The following ASIC2 variants were observed in gnomAD, a reference collection of about 807,000 sequenced individuals.
ASIC2 encodes the protein acid-sensing ion channel 2.
ASIC2 carries 25 observed loss-of-function variants against 57.3 expected under a neutral mutation model. That is an observed-to-expected ratio of 0.44 (90% confidence interval 0.32 to 0.61). The LOEUF (loss-of-function observed/expected upper bound fraction) is 0.61. ASIC2 is among the 20% of genes least tolerant of loss of function. ASIC2 has a pLI of 0.06. For synonymous variants in ASIC2, 319 were observed against 307.5 expected, an observed-to-expected ratio of 1.04 and a Z score of -0.39; for missense variants, 641 against 738.1, an observed-to-expected ratio of 0.87 and a Z score of 1.52.
In ASIC2 at chr17:33,149,987, C is replaced by A. The variant is rs73982436; in HGVS notation, c.709-37920G>T. Among the ~76,000 whole-genome samples, 1,277 of 152,296 alleles carry A rather than the reference C, an allele frequency of 8.4e-3. 15 individuals carry two copies. Among genetic ancestry groups the A allele is most frequent in the African/African-American group, 0.029 (1,215 of 41,558 alleles). ...TTCATAACAATGAATTGGGTGCTTG[C>A]TAATTATTTTAAGATAATTGCATGA... On this transcript the variant is annotated intron_variant, in intron 1 of 9. Coordinates refer to ENST00000225823, the MANE Select transcript of ASIC2 (RefSeq NM_183377.2).
At chr17:33,850,871 A>T (rs1913745238) in intron 1 of ASIC2, among the ~76,000 whole-genome samples, 1 of 151,926 alleles carries the variant, frequency 6.6e-6, no homozygotes, top group Non-Finnish European at 1.5e-5. Context: ...GAGTCCAGAA[A>T]TGCAATCCCA....
At chr17:34,153,061 GCAGACAGCCTTCTCT>G (rs1465688061) in intron 1 of ASIC2, among the ~76,000 whole-genome samples, 2 of 152,148 alleles carry the variant, frequency 1.3e-5, no homozygotes, top group Non-Finnish European at 2.9e-5. Flanking sequence ...TTTACCCTCC[GCAGACAGCCTTCTCT>G]CACTCTGCTA....
chr17:34,128,740 G>A (rs1176805407), intron 1 of ASIC2, among the ~76,000 whole-genome samples: 1 of 152,138 alleles, frequency 6.6e-6, no homozygotes, highest in East Asian at 1.9e-4. Context: ...AGTCAGCATT[G>A]GCTTTTTTCC....
At chr17:34,108,207 C>G (rs1036975765) in intron 1 of ASIC2, among the ~76,000 whole-genome samples, 2 of 152,118 alleles carry the variant, frequency 1.3e-5, no homozygotes, top group African/African-American at 4.8e-5. Flanking sequence ...TTCAACAAAA[C>G]TGCTCTGCTG....
intron 1 of ASIC2, among the ~76,000 whole-genome samples, chr17:34,013,617 G>T (rs1906847648): frequency 6.6e-6 from 1 of 152,204 alleles, no homozygotes; most frequent in Non-Finnish European, 1.5e-5. Flanking sequence ...GCCACTGAAG[G>T]CCTATTCCTT....
At position 33,233,514 on chromosome 17, in the gene ASIC2, T is replaced by TCACACA. The variant is rs36203893; in HGVS notation, c.708+57888_708+57893dup. 4.2e-3 allele frequency among the ~76,000 whole-genome samples: 620 copies of TCACACA among 147,078 alleles called. 2 individuals carry two copies. The highest frequency in any genetic ancestry group is 7.0e-3 in the Non-Finnish European group (467 of 66,906). ...CACTTGAGGTTACGGAATTGGAAAT[T>TCACACA]CACACACACACACACACACACACAC... On this transcript the variant is annotated intron_variant, in intron 1 of 9. Coordinates refer to ENST00000225823, the MANE Select transcript of ASIC2 (RefSeq NM_183377.2).
At chr17:34,050,417 A>G (rs1041194534) in intron 1 of ASIC2, among the ~76,000 whole-genome samples, 3 of 152,156 alleles carry the variant, frequency 2.0e-5, no homozygotes, top group African/African-American at 7.2e-5. Context: ...GGGGATGTGA[A>G]GGCTGGCACG....
intron 1 of ASIC2, among the ~76,000 whole-genome samples, chr17:33,341,612 A>G (rs761311531): frequency 6.6e-6 from 1 of 152,172 alleles, no homozygotes; most frequent in African/African-American, 2.4e-5. Flanking sequence ...TCAGGTTTGG[A>G]TTATTATTCA....
chr17:34,123,678 C>T lies in ASIC2; in HGVS notation c.555+32300G>A, dbSNP rs781703105. On this transcript the variant is annotated intron_variant, in intron 1 of 9. Transcript: ENST00000359872. ...GTGGTCTTGCAAGTCTCAGCTTTTC[C>T]GTCTGTGAAATGGAACAATGGTCTC... 4.2e-4 allele frequency among the ~76,000 whole-genome samples: 64 copies of T among 152,326 alleles called. 1 individual carries two copies. Among genetic ancestry groups the T allele is most frequent in the African/African-American group, 4.8e-5 (2 of 41,574 alleles).
intron 1 of ASIC2, among the ~76,000 whole-genome samples, chr17:33,590,234 C>T (rs752530050): frequency 6.6e-5 from 10 of 152,186 alleles, no homozygotes; most frequent in Non-Finnish European, 1.0e-4. Context: ...CCCTGCCTAC[C>T]TCACTGAGTT....
At chr17:34,114,054 G>C (rs929817058) in intron 1 of ASIC2, among the ~76,000 whole-genome samples, 3 of 152,132 alleles carry the variant, frequency 2.0e-5, no homozygotes, top group Non-Finnish European at 4.4e-5. Flanking sequence ...CCTCAGAGGA[G>C]ACAGGAAGGA....
At chr17:33,103,122 T>C (rs1292182159) in intron 2 of ASIC2, among the ~76,000 whole-genome samples, 1 of 152,234 alleles carries the variant, frequency 6.6e-6, no homozygotes, top group East Asian at 1.9e-4. Context: ...TGAAATTTCC[T>C]TTTTAATAGC....
intron 1 of ASIC2, among the ~76,000 whole-genome samples, chr17:34,093,281 T>C (rs868440306): frequency 8.5e-5 from 13 of 152,296 alleles, no homozygotes; most frequent in Admixed American, 5.2e-4. Flanking sequence ...GCCACTCTGT[T>C]TGGGCTCCAT....
chr17:33,028,814 C>T (rs1479489364), intron 3 of ASIC2, among the ~76,000 whole-genome samples: 1 of 152,342 alleles, frequency 6.6e-6, no homozygotes, highest in East Asian at 1.9e-4. Flanking sequence ...ATTCCACCCT[C>T]TTGGTTTGAG....
intron 1 of ASIC2, among the ~76,000 whole-genome samples, chr17:33,571,431 T>C (rs932127307): frequency 6.6e-6 from 1 of 152,236 alleles, no homozygotes; most frequent in South Asian, 2.1e-4. Context: ...CCCAGAGGTA[T>C]ACTTAGCGCA....
At chr17:33,622,276 C>T (rs1023507617) in intron 1 of ASIC2, among the ~76,000 whole-genome samples, 3 of 152,098 alleles carry the variant, frequency 2.0e-5, no homozygotes, top group Non-Finnish European at 4.4e-5. Context: ...GAGTAGAATT[C>T]TTCAAGATGG....
chr17:33,894,162 G>T (rs9898582), intron 1 of ASIC2, among the ~76,000 whole-genome samples: 67,121 of 152,046 alleles, frequency 0.44, 15,069 homozygotes, highest in East Asian at 0.59. Context: ...ACCCCCTTAG[G>T]GGGTGGAGAA....
intron 1 of ASIC2, among the ~76,000 whole-genome samples, chr17:33,496,605 T>TTTTTG: frequency 3.5e-5 from 1 of 28,522 alleles, no homozygotes; most frequent in East Asian, 1.4e-3. Flanking sequence ...TATTGTAGGT[T>TTTTTG]TTTTTTTTTT....
At chr17:34,091,796 G>A (rs541471814) in intron 1 of ASIC2, among the ~76,000 whole-genome samples, 70 of 152,348 alleles carry the variant, frequency 4.6e-4, no homozygotes, top group African/African-American at 1.5e-3. Context: ...AGTTAATACA[G>A]TGTAAAGAGT....
Sources: gnomAD v4.1 joint callset for allele counts (sites outside exome capture counted in the v4.1 genomes callset) on GRCh38, gnomAD v4.1.1 for gene constraint, MANE v1.5 for transcripts, NCBI Gene and HGNC (gene_info 2026-07-23, HGNC 2026-07-21) for gene names.